Variants in FAM124A observed in about 807,000 individuals in gnomAD.
FAM124A encodes the protein family with sequence similarity 124 member A, also known as protein FAM124A.
Under a neutral mutation model 24.5 loss-of-function variants are expected in FAM124A, and 23 were observed. The ratio of observed to expected loss-of-function variants is 0.94; its 90% CI spans 0.68 to 1.33. FAM124A has a LOEUF of 1.33. FAM124A is among the 40% of genes most tolerant of loss of function. FAM124A has a pLI of 0.00. For missense variants in FAM124A, 623 were observed against 722.8 expected (o/e 0.86, Z 1.58); for synonymous variants, 287 against 314.7 (o/e 0.91, Z 0.93).
intron 3 of FAM124A, among the ~76,000 whole-genome samples, chr13:51,278,897 C>T (rs904866206): frequency 6.6e-6 from 1 of 152,168 alleles, no homozygotes; most frequent in African/African-American, 2.4e-5. Context: ...AACATTTAGA[C>T]GTCCCCTGGC....
chr13:51,251,751 G>A lies in FAM124A; in HGVS notation c.384G>A (p.Trp128Ter). Reference protein sequence around the residue: ...QLHRTLQQPPWRHHHTEQVHG... With the variant: ...QLHRTLQQPP ...ACCGCACACTGCAGCAGCCGCCCTG[G>A]CGCCACCACCACACCGAGCAGGTGC... is the stretch of plus-strand genomic sequence containing the variant. The change falls in exon 3 of 4, where the codon TGG becomes TGA. Residue 128 changes from tryptophan to a stop codon, truncating the protein, a stop_gained. Coordinates refer to ENST00000322475, the MANE Select transcript of FAM124A (RefSeq NM_001242312.2). LOFTEE classifies it high-confidence loss of function. This position sits in a 1 kb window ranked among gnomAD's most constrained non-coding sequence, Gnocchi z 5.3. 6.3e-7 allele frequency: 1 copy of A among 1,585,732 alleles called. No homozygotes were observed. The highest frequency in any genetic ancestry group is 8.6e-7 in the Non-Finnish European group (1 of 1,167,454).
intron 2 of FAM124A, among the ~76,000 whole-genome samples, chr13:51,240,101 G>A (rs1374239306): frequency 6.6e-6 from 1 of 152,202 alleles, no homozygotes; most frequent in African/African-American, 2.4e-5. Context: ...CCATACTGCT[G>A]TCTTTAACTG....
chr13:51,222,719 G>C (rs1849687416), intron 1 of FAM124A, 150 bp downstream of exon 1: 1 of 822,806 alleles, frequency 1.2e-6, no homozygotes, highest in Non-Finnish European at 1.6e-6. Context: ...TCCTGGGCGG[G>C]CCGCGCTGCC....
chr13:51,236,071 C>A (rs1326854007), intron 2 of FAM124A, among the ~76,000 whole-genome samples: 3 of 152,186 alleles, frequency 2.0e-5, no homozygotes, highest in Non-Finnish European at 4.4e-5. Flanking sequence ...TTCCTGTCGA[C>A]ATCCTCCCTA....
At position 51,222,472 on chromosome 13, in the gene FAM124A, C is replaced by T; in HGVS notation, c.-30C>T. 1 of 1,207,744 alleles carries T rather than the reference C, an allele frequency of 8.3e-7. No homozygotes were observed. The highest frequency in any genetic ancestry group is 1.0e-6 in the Non-Finnish European group (1 of 973,614). The allele number at this position is 1,207,744 out of a possible 1,614,324, so 74.8% of individuals were successfully genotyped here. On this transcript the variant is annotated 5_prime_UTR_variant, in exon 1 of 4. Transcript: ENST00000322475. Reference sequence around the variant, plus strand: ...GGGCGCCCCGGGTCACGACGGCGCCCGCAAGCCGAGCGCGGCCGGGACGTG... The same window carrying T: ...GGGCGCCCCGGGTCACGACGGCGCCTGCAAGCCGAGCGCGGCCGGGACGTG...
rs1228085647 is a variant in FAM124A at position 51,258,776 on chromosome 13, T to C, written c.834+6575T>C. Among the ~76,000 whole-genome samples the C allele has an allele frequency of 6.6e-6, 1 of 152,196 alleles. No individual in the cohort carries two copies. The highest frequency in any genetic ancestry group is 2.4e-5 in the African/African-American group (1 of 41,436). ...GAGTCACTGAGACCTGTGGGAAGAA[T>C]GCCTCTGGCGTGCCCTCGGTCAGCA... On this transcript the variant is annotated intron_variant, in intron 3 of 3. Transcript: ENST00000322475. The surrounding 1 kb of genome is among the most constrained non-coding windows in gnomAD (Gnocchi z 4.2).
At chr13:51,232,300 A>G (rs531876098) in intron 2 of FAM124A, among the ~76,000 whole-genome samples, 1 of 131,390 alleles carries the variant, frequency 7.6e-6, no homozygotes, top group South Asian at 2.4e-4. Flanking sequence ...AGATTGATTG[A>G]ATACTTATTT....
At chr13:51,229,734 C>T (rs1376134862) in intron 1 of FAM124A, among the ~76,000 whole-genome samples, 2 of 152,154 alleles carry the variant, frequency 1.3e-5, no homozygotes, top group African/African-American at 4.8e-5. Flanking sequence ...TTGCATCTAC[C>T]ACAGTGGATA....
intron 3 of FAM124A, among the ~76,000 whole-genome samples, chr13:51,266,349 A>G (rs1460934666): frequency 2.0e-5 from 3 of 152,038 alleles, no homozygotes; most frequent in Non-Finnish European, 4.4e-5. Context: ...TTTCTTTGAA[A>G]CCACCTTTGT....
chr13:51,283,806 C>A lies in FAM124A; in HGVS notation c.*2550C>A, dbSNP rs992247141. On this transcript the variant is annotated 3_prime_UTR_variant, in exon 4 of 4. Coordinates refer to ENST00000322475, the MANE Select transcript of FAM124A (RefSeq NM_001242312.2). ...AAAAAAAAAAAAAAAGGCTAATGGC[C>A]GAGGGCTGGCTCCTTCTTTCTCCCT... 1 of 140,490 alleles carries A rather than the reference C, an allele frequency of 7.1e-6. No homozygotes were observed. The highest frequency in any genetic ancestry group is 1.5e-5 in the Non-Finnish European group (1 of 66,154). The allele number at this position is 140,490 out of a possible 1,614,324, so 8.7% of individuals were successfully genotyped here. A position where few individuals can be genotyped will look rare whatever the true frequency, so the allele number is the denominator to read the frequency against.
chr13:51,277,010 C>CA (rs1334973423), intron 3 of FAM124A, among the ~76,000 whole-genome samples: 1 of 151,948 alleles, frequency 6.6e-6, no homozygotes, highest in Non-Finnish European at 1.5e-5. Flanking sequence ...AGATTCTTAC[C>CA]AAAAAGATAG....
At chr13:51,278,052 A>C (rs1954900603) in intron 3 of FAM124A, among the ~76,000 whole-genome samples, 1 of 152,218 alleles carries the variant, frequency 6.6e-6, no homozygotes. Context: ...TCTGTTCCTT[A>C]GATAAAGTTC....
chr13:51,250,785 C>T (rs2137676285), intron 2 of FAM124A, among the ~76,000 whole-genome samples: 1 of 152,338 alleles, frequency 6.6e-6, no homozygotes, highest in South Asian at 2.1e-4. Context: ...CCCTGTGTCT[C>T]CAGCAGCAAC....
intron 3 of FAM124A, among the ~76,000 whole-genome samples, chr13:51,269,150 G>A (rs535876582): frequency 4.4e-4 from 67 of 152,310 alleles, no homozygotes; most frequent in African/African-American, 1.6e-3. Flanking sequence ...TAGAATTGCT[G>A]TCTGTGTGCA....
intron 1 of FAM124A, among the ~76,000 whole-genome samples, chr13:51,226,425 C>T (rs561407923): frequency 1.2e-4 from 18 of 152,248 alleles, no homozygotes; most frequent in African/African-American, 3.9e-4. Context: ...TGGGGTTTCT[C>T]TTTGGTGTAA....
intron 3 of FAM124A, among the ~76,000 whole-genome samples, chr13:51,263,116 G>C (rs1004522133): frequency 6.6e-6 from 1 of 152,192 alleles, no homozygotes; most frequent in African/African-American, 2.4e-5. Flanking sequence ...CGGACCAAGG[G>C]TGGGGAGGGA....
chr13:51,228,465 T>A (rs1954339263), intron 1 of FAM124A, among the ~76,000 whole-genome samples: 1 of 152,230 alleles, frequency 6.6e-6, no homozygotes, highest in Non-Finnish European at 1.5e-5. Context: ...CTATATCGTG[T>A]ATAAATTTTT....
intron 3 of FAM124A, 165 bp downstream of exon 3, chr13:51,252,366 CA>C: frequency 1.1e-6 from 1 of 894,534 alleles, no homozygotes; most frequent in Non-Finnish European, 1.6e-6. Flanking sequence ...AGGATCCCAA[CA>C]AAAGAGGGGG....
intron 1 of FAM124A, among the ~76,000 whole-genome samples, chr13:51,226,147 C>T (rs1042820561): frequency 7.3e-5 from 11 of 151,608 alleles, no homozygotes; most frequent in Admixed American, 3.9e-4. Flanking sequence ...CCCGCACCAC[C>T]GACACCATGC....
Sources: allele counts gnomAD v4.1 joint callset (sites outside exome capture counted in the v4.1 genomes callset), GRCh38; gene constraint gnomAD v4.1.1; non-coding constraint Gnocchi (gnomAD v3.1); transcripts MANE v1.5; gene names NCBI Gene and HGNC (gene_info 2026-07-23, HGNC 2026-07-21).